DNAH11: variants seen among roughly 807,000 people sequenced by gnomAD.
DNAH11 encodes axonemal beta dynein heavy chain 11.
Under a neutral mutation model 526.0 loss-of-function variants are expected in DNAH11, and 442 were observed. The ratio of observed to expected loss-of-function variants is 0.84; its 90% confidence interval spans 0.78 to 0.91. The LOEUF is 0.91. Ranked by LOEUF, DNAH11 falls within the 40% of genes least tolerant of loss-of-function variation. The pLI, the probability that DNAH11 is intolerant of heterozygous loss-of-function variation, is 0.00. For missense variants in DNAH11, 6,989 were observed against 5,448.7 expected (o/e 1.28, Z -8.90); for synonymous variants, 2,461 against 1,935.9 (o/e 1.27, Z -7.12).
chr7:21,691,165 T>G (rs1295850530), intron 35 of DNAH11, among the ~76,000 whole-genome samples: 1 of 127,830 alleles, frequency 7.8e-6, no homozygotes, highest in East Asian at 2.4e-4. Context: ...TAATCTTTCA[T>G]AATTTTTTTT....
At chr7:21,671,422 A>G (rs1021145739) in intron 30 of DNAH11, among the ~76,000 whole-genome samples, 2 of 152,202 alleles carry the variant, frequency 1.3e-5, no homozygotes, top group Admixed American at 6.5e-5. Context: ...CACTTGGCCT[A>G]TGCTTTTCAA....
intron 57 of DNAH11, 47 bp downstream of exon 57, chr7:21,779,151 A>C (rs1787824096): frequency 6.4e-7 from 1 of 1,566,728 alleles, no homozygotes; most frequent in African/African-American, 1.4e-5. Flanking sequence ...ATTTAGCACA[A>C]AATAAACCTT....
intron 8 of DNAH11, among the ~76,000 whole-genome samples, chr7:21,580,999 C>A (rs1276791182): frequency 2.0e-5 from 3 of 152,078 alleles, no homozygotes; most frequent in Middle Eastern, 3.2e-3. Context: ...AAAATTATAA[C>A]CTACATGAAA....
chr7:21,764,243 A>C (rs1280341607), intron 54 of DNAH11, among the ~76,000 whole-genome samples: 3 of 150,300 alleles, frequency 2.0e-5, no homozygotes, highest in Non-Finnish European at 4.4e-5. Flanking sequence ...TGAATTGTTG[A>C]ATACACATGG....
intron 30 of DNAH11, among the ~76,000 whole-genome samples, chr7:21,667,206 G>C (rs1782455493): frequency 6.6e-6 from 1 of 152,100 alleles, no homozygotes; most frequent in Non-Finnish European, 1.5e-5. Context: ...TATTAGTGGA[G>C]GTGTTTGTCC....
chr7:21,579,002 T>C (rs1784211925), intron 8 of DNAH11, among the ~76,000 whole-genome samples: 1 of 152,196 alleles, frequency 6.6e-6, no homozygotes, highest in South Asian at 2.1e-4. Flanking sequence ...ATCCAGTTCT[T>C]TCAGCTATGC....
rs752212501 is a variant in DNAH11, at chr7:21,717,803, C to G, written c.7012C>G (p.Arg2338Gly). ...PYVASWIDRR[R>G]HQSEKANLTI... ...TGTGGCCAGTTGGATAGACAGAAGG[C>G]GGCATCAATCAGAAAAGGCCAATTT... Residue 2338 changes from arginine to glycine, a missense_variant, in exon 43 of 82, where the codon CGG becomes GGG. Coordinates refer to ENST00000409508, the MANE Select transcript of DNAH11 (RefSeq NM_001277115.2). 6.2e-7 allele frequency: 1 copy of G among 1,613,578 alleles called. No homozygotes were observed. The highest frequency in any genetic ancestry group is 8.5e-7 in the Non-Finnish European group (1 of 1,179,794).
rs539959641 is a variant in DNAH11, at chr7:21,616,795, G to C, written c.4095+503G>C. 2.0e-4 allele frequency among the ~76,000 whole-genome samples: 30 copies of C among 152,236 alleles called. No homozygotes were observed. In the South Asian group the frequency reaches 5.2e-3, roughly 26 times the overall value. ...TACAGAACTGAGCCTATTGTAATTT[G>C]GTACTTATTGGAATTTGATGTCTAT... On this transcript the variant is annotated intron_variant, in intron 22 of 81. Coordinates refer to ENST00000409508, the MANE Select transcript of DNAH11 (RefSeq NM_001277115.2).
intron 62 of DNAH11, among the ~76,000 whole-genome samples, chr7:21,806,730 G>T (rs908326073): frequency 6.6e-6 from 1 of 151,960 alleles, no homozygotes; most frequent in African/African-American, 2.4e-5. Flanking sequence ...TATTTTTAGC[G>T]TACATTGAAA....
intron 29 of DNAH11, among the ~76,000 whole-genome samples, chr7:21,656,954 G>C (rs1211013498): frequency 2.0e-5 from 3 of 152,142 alleles, no homozygotes; most frequent in Non-Finnish European, 4.4e-5. Flanking sequence ...GTGTGTTGCT[G>C]TCTGCTCCCT....
intron 65 of DNAH11, among the ~76,000 whole-genome samples, chr7:21,824,574 G>C (rs1280916466): frequency 1.3e-5 from 2 of 152,082 alleles, no homozygotes; most frequent in Non-Finnish European, 2.9e-5. Context: ...TTTCTCCAAA[G>C]AACTACAAAT....
intron 45 of DNAH11, among the ~76,000 whole-genome samples, chr7:21,735,062 C>G (rs188217411): frequency 1.0e-3 from 150 of 145,718 alleles, no homozygotes; most frequent in African/African-American, 3.8e-3. Flanking sequence ...CCCAACTACT[C>G]AGGAGGCTGA....
chr7:21,654,978 A>C (rs1781950733), intron 28 of DNAH11, among the ~76,000 whole-genome samples: 2 of 152,276 alleles, frequency 1.3e-5, no homozygotes, highest in Admixed American at 6.5e-5. Flanking sequence ...TTGCGGTTGG[A>C]GGCCAGATAG....
At chr7:21,696,402 A>G (rs763793463) in intron 35 of DNAH11, among the ~76,000 whole-genome samples, 9 of 152,318 alleles carry the variant, frequency 5.9e-5, no homozygotes, top group Non-Finnish European at 8.8e-5. Flanking sequence ...AACATCTTGT[A>G]TTGAATGTTT....
intron 24 of DNAH11, 31 bp from the exon 25 acceptor site, chr7:21,619,925 T>G (rs746657433): frequency 6.5e-6 from 10 of 1,528,800 alleles, no homozygotes. Context: ...AATTAAATTT[T>G]GTGCACATTA....
intron 30 of DNAH11, among the ~76,000 whole-genome samples, chr7:21,677,203 CT>C (rs34054122): frequency 0.017 from 2,074 of 124,124 alleles, 44 homozygotes; most frequent in African/African-American, 0.046. Context: ...CAGATACTGC[CT>C]TTTTTTTTTT....
chr7:21,598,395 T>C (rs62441726), intron 14 of DNAH11, among the ~76,000 whole-genome samples: 24,037 of 152,070 alleles, frequency 0.16, 1,987 homozygotes, highest in East Asian at 0.21. Flanking sequence ...TAGTGGTCCT[T>C]AACCACACCT....
At chr7:21,651,779 A>T (rs961864576) in intron 28 of DNAH11, among the ~76,000 whole-genome samples, 6 of 152,246 alleles carry the variant, frequency 3.9e-5, no homozygotes, top group African/African-American at 1.4e-4. Flanking sequence ...ACTATGGTAA[A>T]TTAACTCTTG....
At chr7:21,607,693 G>A (rs1405670055) in intron 20 of DNAH11, among the ~76,000 whole-genome samples, 2 of 151,854 alleles carry the variant, frequency 1.3e-5, no homozygotes, top group Non-Finnish European at 2.9e-5. Flanking sequence ...GGCACTTTGG[G>A]ATTCGAGGTG....
Sources: gnomAD v4.1 joint callset for allele counts (sites outside exome capture counted in the v4.1 genomes callset) on GRCh38, gnomAD v4.1.1 for gene constraint, MANE v1.5 for transcripts, NCBI Gene and HGNC (gene_info 2026-07-23, HGNC 2026-07-21) for gene names.